Variants in USP6NL observed in about 807,000 individuals in gnomAD.
The protein encoded by USP6NL is USP6 N-terminal like, also known as USP6 N-terminal-like protein.
Under a neutral mutation model 61.9 loss-of-function variants are expected in USP6NL, and 26 were observed. The observed-to-expected ratio is 0.42, with a 90% CI of 0.31 to 0.58. USP6NL has a LOEUF of 0.58. Among genes scored for constraint, USP6NL ranks in the 20% least tolerant of loss-of-function variants. The pLI, the probability that USP6NL is intolerant of heterozygous loss-of-function variation, is 0.16. For missense variants in USP6NL, 1,114 were observed against 1,034.3 expected (o/e 1.08, Z -1.06); for synonymous variants, 432 against 390.1 (o/e 1.11, Z -1.27).
chr10:11,476,553 A>T lies in USP6NL; in HGVS notation c.1078+5217T>A, dbSNP rs551697362. Among the ~76,000 whole-genome samples, 1 of 152,328 alleles carries T rather than the reference A, an allele frequency of 6.6e-6. No homozygotes were observed. The highest frequency in any genetic ancestry group is 1.9e-4 in the East Asian group (1 of 5,182). ...GGTACAAAAATGCTAACAATAGTTA[A>T]ATCTATGAGGTGGGCATATGGGTGA... is the stretch of plus-strand genomic sequence containing the variant. On this transcript the variant is annotated intron_variant, in intron 14 of 14. Transcript: ENST00000609104. This position sits in a 1 kb window ranked among gnomAD's most constrained non-coding sequence, Gnocchi z 4.3.
chr10:11,498,762 C>A (rs1464381743), intron 7 of USP6NL, among the ~76,000 whole-genome samples: 1 of 152,002 alleles, frequency 6.6e-6, no homozygotes, highest in Non-Finnish European at 1.5e-5. Flanking sequence ...CTTTGAAATT[C>A]AGCAATCTTT....
At position 11,505,103 on chromosome 10, in the gene USP6NL, C is replaced by A. The variant is rs114787705; in HGVS notation, c.277-3895G>T. On this transcript the variant is annotated intron_variant, in intron 6 of 14. Transcript: ENST00000609104. The stretch of plus-strand genomic sequence containing the variant: ...ACAGGGACTGTCATCCTGAGCTTAT[C>A]TTAGAGATAACAGAAGAAAGGAGGA... Among the ~76,000 whole-genome samples the A allele has an allele frequency of 3.0e-3, 454 of 152,222 alleles. 3 individuals carry two copies. Among genetic ancestry groups the A allele is most frequent in the African/African-American group, 0.011 (442 of 41,528 alleles).
chr10:11,571,968 A>T (rs1401177310), intron 2 of USP6NL, among the ~76,000 whole-genome samples: 1 of 150,860 alleles, frequency 6.6e-6, no homozygotes, highest in Admixed American at 6.6e-5. Context: ...ATATAATAAG[A>T]TATAAATATC....
intron 2 of USP6NL, among the ~76,000 whole-genome samples, chr10:11,539,773 G>A (rs911324827): frequency 6.6e-6 from 1 of 152,190 alleles, no homozygotes; most frequent in African/African-American, 2.4e-5. Flanking sequence ...CCTTGCTTGT[G>A]GATATTTTAT....
At chr10:11,578,865 A>T (rs1056040436) in intron 2 of USP6NL, among the ~76,000 whole-genome samples, 13 of 152,250 alleles carry the variant, frequency 8.5e-5, no homozygotes, top group Non-Finnish European at 7.3e-5. Flanking sequence ...GGTACTTGCT[A>T]GGTACATGCA....
intron 10 of USP6NL, among the ~76,000 whole-genome samples, chr10:11,488,873 G>C (rs11257127): frequency 6.6e-6 from 1 of 152,046 alleles, no homozygotes. Flanking sequence ...GAATTTTAAA[G>C]TGCCAACAAT....
rs192443053 is a variant in USP6NL at position 11,579,399 on chromosome 10, G to C, written c.4+18232C>G. ...GCATAGAGTGTGGCCTCATTAATAAGATAGTCCCCATCTATCACTGCAGAC... is the reference window on the plus strand; with the variant it reads ...GCATAGAGTGTGGCCTCATTAATAACATAGTCCCCATCTATCACTGCAGAC... On this transcript the variant is annotated intron_variant, in intron 2 of 14. Coordinates refer to ENST00000609104, the MANE Select transcript of USP6NL (RefSeq NM_014688.5). Among the ~76,000 whole-genome samples, 20 of 152,258 alleles carry C rather than the reference G, an allele frequency of 1.3e-4. No individual in the cohort carries two copies. In the East Asian group the frequency reaches 3.7e-3, roughly 28 times the overall value.
chr10:11,471,383 G>A (rs527477045), intron 14 of USP6NL, among the ~76,000 whole-genome samples: 3 of 152,286 alleles, frequency 2.0e-5, no homozygotes, highest in South Asian at 2.1e-4. Flanking sequence ...TGGTGGGGCT[G>A]TAAACTAGTT....
chr10:11,531,509 G>A (rs1247549718), intron 2 of USP6NL, among the ~76,000 whole-genome samples: 1 of 151,718 alleles, frequency 6.6e-6, no homozygotes, highest in African/African-American at 2.4e-5. Context: ...GTAGAGATGA[G>A]GTTTCACCAT....
Position 11,525,423 on chromosome 10 carries a change from G to C in USP6NL, c.118C>G (p.Leu40Val). The change falls in exon 4 of 15, where the codon CTT (leucine) becomes GTT (valine). Residue 40 changes from leucine (L) to valine (V), a missense_variant. Leu to Val is a conservative substitution (Grantham distance 32, BLOSUM62 1). Coordinates refer to ENST00000609104, the MANE Select transcript of USP6NL (RefSeq NM_014688.5). This position sits in a 1 kb window ranked among gnomAD's most constrained non-coding sequence, Gnocchi z 5.0. Reference sequence around the variant, plus strand: ...AATCTATCTGTGACTTTGTAAACAAGGTAATCAGCATCTTCCCAAGGTTCA... The same window carrying C: ...AATCTATCTGTGACTTTGTAAACAACGTAATCAGCATCTTCCCAAGGTTCA... ...EIEPWEDADY[L>V]VYKVTDRFGF... The C allele has an allele frequency of 6.3e-7, 1 of 1,598,776 alleles. No individual in the cohort carries two copies. Among genetic ancestry groups the C allele is most frequent in the South Asian group, 1.1e-5 (1 of 87,290 alleles).
chr10:11,600,533 C>G lies in USP6NL; in HGVS notation c.-83-2816G>C, dbSNP rs922248308. Among the ~76,000 whole-genome samples the G allele has an allele frequency of 3.3e-5, 5 of 152,018 alleles. No individual in the cohort carries two copies. The highest frequency in any genetic ancestry group is 4.4e-5 in the Non-Finnish European group (3 of 68,022). On this transcript the variant is annotated intron_variant, in intron 1 of 14. Coordinates refer to ENST00000609104, the MANE Select transcript of USP6NL (RefSeq NM_014688.5). The surrounding 1 kb of genome is among the most constrained non-coding windows in gnomAD (Gnocchi z 4.1). ...ACAGCATTATTACAGCCAAAGATGACTAATACAGACAGTAAAGATAGTAAT... is the reference window on the plus strand; with the variant it reads ...ACAGCATTATTACAGCCAAAGATGAGTAATACAGACAGTAAAGATAGTAAT...
At chr10:11,581,691 T>C (rs1837779545) in intron 2 of USP6NL, among the ~76,000 whole-genome samples, 1 of 152,252 alleles carries the variant, frequency 6.6e-6, no homozygotes, top group South Asian at 2.1e-4. Context: ...TTTCTAACTC[T>C]TCTCTCTTTT....
chr10:11,539,040 A>T (rs1835945546), intron 2 of USP6NL, among the ~76,000 whole-genome samples: 1 of 152,100 alleles, frequency 6.6e-6, no homozygotes, highest in African/African-American at 2.4e-5. Flanking sequence ...AGCGCTCCTG[A>T]ACTCTCCCAC....
At chr10:11,493,333 T>A in intron 7 of USP6NL, 105 bp from the exon 8 acceptor site, 2 of 927,230 alleles carry the variant, frequency 2.2e-6, no homozygotes, top group Non-Finnish European at 3.2e-6. Flanking sequence ...TTTAAAAAAA[T>A]CACTCAATGG....
chr10:11,514,472 C>T (rs534416019), intron 5 of USP6NL, among the ~76,000 whole-genome samples: 53 of 152,188 alleles, frequency 3.5e-4, no homozygotes, highest in Non-Finnish European at 6.8e-4. Context: ...TATTTGATTC[C>T]ATGATTATAA....
intron 10 of USP6NL, among the ~76,000 whole-genome samples, chr10:11,486,400 G>A (rs918281101): frequency 1.3e-5 from 2 of 151,978 alleles, no homozygotes; most frequent in South Asian, 2.1e-4. Flanking sequence ...CTAAAAAGCT[G>A]TATTTAACAT....
Position 11,462,127 on chromosome 10 carries a change from G to A in USP6NL, c.*314C>T, listed in dbSNP as rs1445756414. The A allele has an allele frequency of 3.3e-6, 1 of 306,310 alleles. No individual in the cohort carries two copies. The highest frequency in any genetic ancestry group is 6.4e-5 in the East Asian group (1 of 15,532). The allele number at this position is 306,310 out of a possible 1,614,324, so 19.0% of individuals were successfully genotyped here. A position where few individuals can be genotyped will look rare whatever the true frequency, so the allele number is the denominator to read the frequency against. ...AGTCAAAATAGAATGAGCCAACAGA[G>A]TAAAAATGTTCAGGTTTTGGAGAAA... On this transcript the variant is annotated 3_prime_UTR_variant, in exon 15 of 15. Transcript: ENST00000609104.
chr10:11,554,145 G>T (rs141475808), intron 2 of USP6NL, among the ~76,000 whole-genome samples: 12 of 152,202 alleles, frequency 7.9e-5, no homozygotes, highest in South Asian at 4.1e-4. Flanking sequence ...AAGGAAGGTG[G>T]GTGCAAGAGA....
intron 2 of USP6NL, among the ~76,000 whole-genome samples, chr10:11,577,196 T>C (rs910454120): frequency 6.6e-6 from 1 of 151,826 alleles, no homozygotes; most frequent in African/African-American, 2.4e-5. Context: ...TAGCTGGGAC[T>C]ACAGGCGCCT....
Sources: allele counts gnomAD v4.1 joint callset (sites outside exome capture counted in the v4.1 genomes callset), GRCh38; gene constraint gnomAD v4.1.1; non-coding constraint Gnocchi (gnomAD v3.1); transcripts MANE v1.5; gene names NCBI Gene and HGNC (gene_info 2026-07-23, HGNC 2026-07-21).